The following VPS50 variants were observed in gnomAD, a reference collection of about 807,000 sequenced individuals.
The protein encoded by VPS50 is syndetin.
In VPS50, 70 loss-of-function variants were observed where a neutral mutation model predicts 139.7. The ratio of observed to expected loss-of-function variants is 0.50; its 90% CI spans 0.41 to 0.61. VPS50 has a LOEUF of 0.61. Among genes scored for constraint, VPS50 ranks in the 20% least tolerant of loss-of-function variants. VPS50 has a pLI of 0.00. For synonymous variants in VPS50, 365 were observed against 376.7 expected, an observed-to-expected ratio of 0.97 and a Z score of 0.36; for missense variants, 921 against 1,133.7, an observed-to-expected ratio of 0.81 and a Z score of 2.69.
intron 23 of VPS50, among the ~76,000 whole-genome samples, chr7:93,343,125 G>C (rs1265547087): frequency 6.6e-6 from 1 of 152,170 alleles, no homozygotes; most frequent in African/African-American, 2.4e-5. Flanking sequence ...AACCAATACA[G>C]AGAAGTGCTT....
intron 25 of VPS50, among the ~76,000 whole-genome samples, chr7:93,353,397 C>T (rs2094260444): frequency 6.6e-6 from 1 of 152,120 alleles, no homozygotes; most frequent in Non-Finnish European, 1.5e-5. Flanking sequence ...CAGTTAATGA[C>T]ACTTACTCCT....
Position 93,257,373 on chromosome 7 carries a change from C to A in VPS50, c.352-21C>A, listed in dbSNP as rs764199501. On this transcript the variant is annotated intron_variant, in intron 5 of 27. Transcript: ENST00000305866. ...AAAATAAAATACCTCCAACAATAACCTGTACCTAATCTTCCCATAGGAACT... is the reference window on the plus strand; with the variant it reads ...AAAATAAAATACCTCCAACAATAACATGTACCTAATCTTCCCATAGGAACT... 2.4e-5 allele frequency: 34 copies of A among 1,439,830 alleles called. No homozygotes were observed. In the East Asian group the frequency reaches 3.0e-4, roughly 13 times the overall value. 89.2% of individuals were successfully genotyped at this position (1,439,830 alleles called of 1,614,324 possible).
At chr7:93,310,414 C>T (rs1480824668) in intron 19 of VPS50, among the ~76,000 whole-genome samples, 1 of 151,742 alleles carries the variant, frequency 6.6e-6, no homozygotes, top group Non-Finnish European at 1.5e-5. Context: ...ACCTTGGATT[C>T]TTGTCTCTAG....
intron 25 of VPS50, among the ~76,000 whole-genome samples, chr7:93,352,730 G>A (rs546912331): frequency 6.0e-4 from 91 of 152,110 alleles, no homozygotes; most frequent in Non-Finnish European, 9.7e-4. Context: ...TGCTCTTTCC[G>A]TCTAATTATT....
intron 20 of VPS50, among the ~76,000 whole-genome samples, chr7:93,315,728 A>G (rs1231015195): frequency 1.3e-5 from 2 of 152,088 alleles, no homozygotes; most frequent in African/African-American, 4.8e-5. Flanking sequence ...ATTCATATCC[A>G]CTGCTCATTT....
chr7:93,320,229 T>G (rs1797564253), intron 20 of VPS50: 1 of 152,080 alleles, frequency 6.6e-6, no homozygotes, highest in Admixed American at 6.5e-5. Flanking sequence ...TTACTGGCAG[T>G]CTTTATGGGG....
At chr7:93,261,601 C>G (rs931557571) in intron 9 of VPS50, among the ~76,000 whole-genome samples, 4 of 146,300 alleles carry the variant, frequency 2.7e-5, no homozygotes, top group African/African-American at 1.0e-4. Context: ...TGGCGTGAAC[C>G]TGGGAGGCAG....
chr7:93,233,135 A>G (rs1227540030), intron 1 of VPS50, among the ~76,000 whole-genome samples: 2 of 152,178 alleles, frequency 1.3e-5, no homozygotes, highest in South Asian at 2.1e-4. Flanking sequence ...TTTCCCCAGA[A>G]TGGAAATTCA....
chr7:93,324,409 A>C (rs1434191314), intron 21 of VPS50, among the ~76,000 whole-genome samples: 1 of 152,152 alleles, frequency 6.6e-6, no homozygotes, highest in South Asian at 2.1e-4. Flanking sequence ...ATTAAGTATG[A>C]TATTGGCTGT....
chr7:93,284,240 C>T (rs1796414975), intron 12 of VPS50, among the ~76,000 whole-genome samples: 1 of 152,150 alleles, frequency 6.6e-6, no homozygotes, highest in Admixed American at 6.6e-5. Context: ...TTTGAAACCT[C>T]CCAAACACCT....
At chr7:93,322,517 G>C (rs200899866) in intron 20 of VPS50, among the ~76,000 whole-genome samples, 1 of 147,970 alleles carries the variant, frequency 6.8e-6, no homozygotes, top group Non-Finnish European at 1.5e-5. Context: ...GGAGAATGGC[G>C]TGAACCTGGG....
chr7:93,264,080 G>A (rs1365208019), intron 9 of VPS50, among the ~76,000 whole-genome samples: 3 of 152,060 alleles, frequency 2.0e-5, no homozygotes, highest in Admixed American at 2.0e-4. Context: ...TCTATGGAGG[G>A]TCTCAGAATA....
chr7:93,267,780 A>T (rs560084847), intron 9 of VPS50, among the ~76,000 whole-genome samples: 1 of 152,338 alleles, frequency 6.6e-6, no homozygotes, highest in South Asian at 2.1e-4. Flanking sequence ...AGCACTATGT[A>T]CAAGAACTGA....
intron 13 of VPS50, among the ~76,000 whole-genome samples, chr7:93,292,939 A>AC (rs1156292757): frequency 6.6e-6 from 1 of 152,006 alleles, no homozygotes; most frequent in Non-Finnish European, 1.5e-5. Context: ...ACCCTGTACT[A>AC]CCCCTGGGAC....
At chr7:93,234,208 T>G (rs1334356386) in intron 1 of VPS50, among the ~76,000 whole-genome samples, 1 of 152,230 alleles carries the variant, frequency 6.6e-6, no homozygotes, top group Non-Finnish European at 1.5e-5. Context: ...GTCATAATTG[T>G]ATGGTAGCTG....
At chr7:93,341,768 T>C (rs889710946) in intron 23 of VPS50, among the ~76,000 whole-genome samples, 193 bp downstream of exon 23, 7 of 152,224 alleles carry the variant, frequency 4.6e-5, no homozygotes, top group Admixed American at 6.5e-5. Context: ...TTTTCAGTTA[T>C]AGAAATGGAA....
chr7:93,344,165 G>T (rs1798314300), intron 23 of VPS50, among the ~76,000 whole-genome samples: 1 of 152,098 alleles, frequency 6.6e-6, no homozygotes, highest in Non-Finnish European at 1.5e-5. Context: ...ACAAAAAAAG[G>T]CAGGGGTTGC....
At chr7:93,325,722 A>G (rs1376790194) in intron 21 of VPS50, among the ~76,000 whole-genome samples, 1 of 151,980 alleles carries the variant, frequency 6.6e-6, no homozygotes, top group Admixed American at 6.5e-5. Flanking sequence ...GACATCAGAG[A>G]AATGCAAATC....
In VPS50 at chr7:93,258,232, T is replaced by C. The variant is rs1309522651; in HGVS notation, c.496T>C (p.Leu166=). Residue 166 remains leucine (L), a synonymous_variant, in exon 7 of 28, where the codon TTG becomes CTG. Coordinates refer to ENST00000305866, the MANE Select transcript of VPS50 (RefSeq NM_017667.4). The part of the protein sequence containing the change: ...GLLANQRKRQ[L]LIGLLKSLRT... ...TCTTGCAAATCAAAGGAAACGTCAG[T>C]TGCTGATTGGACTTCTGAAATCTCT... The C allele has an allele frequency of 1.9e-6, 3 of 1,601,848 alleles. No individual in the cohort carries two copies. In the Admixed American group the frequency reaches 5.0e-5, roughly 27 times the overall value.
Sources: gnomAD v4.1 joint callset for allele counts (sites outside exome capture counted in the v4.1 genomes callset) on GRCh38, gnomAD v4.1.1 for gene constraint, MANE v1.5 for transcripts, NCBI Gene and HGNC (gene_info 2026-07-23, HGNC 2026-07-21) for gene names.